FHOD3: variants seen among roughly 807,000 people sequenced by gnomAD.
FHOD3 encodes formin homology 2 domain containing 3, also known as FH1/FH2 domain-containing protein 3.
In FHOD3, 90 loss-of-function variants were observed where a neutral mutation model predicts 173.0. The observed-to-expected ratio is 0.52, with a 90% CI of 0.44 to 0.62. The LOEUF (loss-of-function observed/expected upper bound fraction) is 0.62. Among genes scored for constraint, FHOD3 ranks in the 20% least tolerant of loss-of-function variants. The pLI is 0.00. For synonymous variants in FHOD3, 828 were observed against 823.0 expected (o/e 1.01, Z -0.10); for missense variants, 1,945 against 2,034.7 (o/e 0.96, Z 0.85).
rs58493993 is a variant in FHOD3, at chr18:36,514,014, C to CTTTTTTTTTTTTTTTTTTTTT, written c.511+1483_511+1484insTTTTTTTTTTTTTTTTTTTTT. ...ATTGCTGAATTTTGCTATTTCTATTCTTTTTTTTTTTTGAGATGGAGTCTT... is the reference window on the plus strand; with the variant it reads ...ATTGCTGAATTTTGCTATTTCTATTCTTTTTTTTTTTTTTTTTTTTTTTTTTTTTTTTTGAGATGGAGTCTT... On this transcript the variant is annotated intron_variant, in intron 5 of 28. Coordinates refer to ENST00000590592, the MANE Select transcript of FHOD3 (RefSeq NM_001281740.3). 1.2e-3 allele frequency among the ~76,000 whole-genome samples: 123 copies of CTTTTTTTTTTTTTTTTTTTTT among 104,590 alleles called. 9 individuals are homozygous for CTTTTTTTTTTTTTTTTTTTTT. The highest frequency in any genetic ancestry group is 5.6e-3 in the Middle Eastern group (1 of 180). The allele number at this position is 104,590 out of a possible 152,430, so 68.6% of individuals were successfully genotyped here.
In FHOD3 at chr18:36,377,941, G is replaced by T. The variant is rs527914204; in HGVS notation, c.337+5197G>T. Among the ~76,000 whole-genome samples, 3 of 152,338 alleles carry T rather than the reference G, an allele frequency of 2.0e-5. No homozygotes were observed. In the South Asian group the frequency reaches 6.2e-4, roughly 32 times the overall value. Reference sequence around the variant, plus strand: ...TCTGCTCCTGTCCTGCCTCTACCATGCAGCTTAGATTTGGAGCTGCAGGTG... The same window carrying T: ...TCTGCTCCTGTCCTGCCTCTACCATTCAGCTTAGATTTGGAGCTGCAGGTG... On this transcript the variant is annotated intron_variant, in intron 3 of 28. Coordinates refer to ENST00000590592, the MANE Select transcript of FHOD3 (RefSeq NM_001281740.3).
intron 5 of FHOD3, among the ~76,000 whole-genome samples, chr18:36,523,016 C>T (rs2056347357): frequency 6.6e-6 from 1 of 152,216 alleles, no homozygotes; most frequent in Non-Finnish European, 1.5e-5. Flanking sequence ...AAACCACTCA[C>T]ATGGGAGTTT....
intron 20 of FHOD3, among the ~76,000 whole-genome samples, chr18:36,740,418 TG>T (rs2041846694): frequency 6.6e-6 from 1 of 152,206 alleles, no homozygotes; most frequent in East Asian, 1.9e-4. Flanking sequence ...TCTTGTGTTT[TG>T]TTTTTCATCT....
At chr18:36,580,907 G>A (rs367852080) in intron 6 of FHOD3, among the ~76,000 whole-genome samples, 2 of 152,226 alleles carry the variant, frequency 1.3e-5, no homozygotes, top group Non-Finnish European at 2.9e-5. Context: ...TTGACATCCA[G>A]TTGCCTTTGC....
intron 20 of FHOD3, among the ~76,000 whole-genome samples, chr18:36,735,860 T>C (rs1229693655): frequency 6.6e-6 from 1 of 152,246 alleles, no homozygotes; most frequent in African/African-American, 2.4e-5. Flanking sequence ...TAGTTTCATG[T>C]GCAGGTAGAA....
rs1468096787 is a variant in FHOD3 at position 36,470,932 on chromosome 18, T to C, written c.338-31000T>C. On this transcript the variant is annotated intron_variant, in intron 3 of 28. Transcript: ENST00000590592. The stretch of plus-strand genomic sequence containing the variant: ...ATGGTGCCTTCCGTGGGGTCTTTGC[T>C]CCCAGCTGAACTGGGACATGATGGC... 3.9e-5 allele frequency among the ~76,000 whole-genome samples: 6 copies of C among 152,138 alleles called. No individual in the cohort carries two copies. In the East Asian group the frequency reaches 1.2e-3, roughly 29 times the overall value.
At chr18:36,703,039 C>T (rs2149596554) in intron 17 of FHOD3, among the ~76,000 whole-genome samples, 1 of 152,256 alleles carries the variant, frequency 6.6e-6, no homozygotes, top group Non-Finnish European at 1.5e-5. Flanking sequence ...AGTGAAGGGA[C>T]TGTTTACAGA....
chr18:36,640,832 G>A (rs2035251782), intron 10 of FHOD3, among the ~76,000 whole-genome samples: 1 of 152,054 alleles, frequency 6.6e-6, no homozygotes. Context: ...TGCCAAGCAC[G>A]GTTCAGGAAC....
intron 20 of FHOD3, among the ~76,000 whole-genome samples, chr18:36,740,364 C>T (rs2041844527): frequency 6.6e-6 from 1 of 152,110 alleles, no homozygotes; most frequent in South Asian, 2.1e-4. Context: ...ATCTTTTTTA[C>T]ATGTCTTACT....
intron 1 of FHOD3, among the ~76,000 whole-genome samples, chr18:36,302,669 T>A (rs998291498): frequency 5.3e-5 from 8 of 152,252 alleles, no homozygotes; most frequent in African/African-American, 1.9e-4. Flanking sequence ...ACAAATCCAC[T>A]GGTATTATTG....
At chr18:36,393,170 G>A (rs917828133) in intron 3 of FHOD3, among the ~76,000 whole-genome samples, 2 of 152,232 alleles carry the variant, frequency 1.3e-5, no homozygotes, top group African/African-American at 4.8e-5. Context: ...CGGCTGCAGG[G>A]CAGAAGGCTG....
intron 14 of FHOD3, 28 bp downstream of exon 14, chr18:36,658,216 T>G (rs755243542): frequency 6.8e-7 from 1 of 1,466,584 alleles, no homozygotes; most frequent in South Asian, 1.2e-5. Flanking sequence ...GCTGATAGCT[T>G]CACAGTCCTC....
At chr18:36,344,081 T>C (rs1008419675) in intron 1 of FHOD3, among the ~76,000 whole-genome samples, 6 of 152,160 alleles carry the variant, frequency 3.9e-5, no homozygotes, top group African/African-American at 1.4e-4. Flanking sequence ...AATTATGTGG[T>C]ATAAATTATC....
At chr18:36,734,393 C>A (rs78249546) in intron 20 of FHOD3, among the ~76,000 whole-genome samples, 2,309 of 152,228 alleles carry the variant, frequency 0.015, 49 homozygotes, top group African/African-American at 0.053. Context: ...CCCCCCACAA[C>A]CAAAACTGTC....
chr18:36,347,955 A>G (rs117811473), intron 1 of FHOD3, among the ~76,000 whole-genome samples: 5 of 152,376 alleles, frequency 3.3e-5, no homozygotes, highest in Non-Finnish European at 7.3e-5. Flanking sequence ...CATTCTCACT[A>G]TCACCTTAGG....
chr18:36,424,612 C>T (rs757426354), intron 3 of FHOD3, among the ~76,000 whole-genome samples: 6 of 152,188 alleles, frequency 3.9e-5, no homozygotes, highest in Non-Finnish European at 5.9e-5. Context: ...AGATCATTTA[C>T]TGGAAATAGC....
chr18:36,718,135 G>A lies in FHOD3; in HGVS notation c.2837G>A (p.Ser946Asn). The change falls in exon 19 of 29, where the codon AGT becomes AAT. Residue 946 changes from serine (S) to asparagine (N), a missense_variant. Physicochemically the swap from Ser to Asn is conservative, Grantham distance 46. This residue lies in a region of FHOD3 where 1,099 missense variants were observed against 1,051.2 expected (regional missense o/e 1.05). Coordinates refer to ENST00000590592, the MANE Select transcript of FHOD3 (RefSeq NM_001281740.3). ...AAAGCATTTGCTGAGAAATTCAACA[G>A]TGGGGACCTGGGGAGAGGTTCCATC... is the stretch of plus-strand genomic sequence containing the variant. ...SVKAFAEKFN[S>N]GDLGRGSISP... 1 of 1,605,736 alleles carries A rather than the reference G, an allele frequency of 6.2e-7. No homozygotes were observed. Among genetic ancestry groups the A allele is most frequent in the Non-Finnish European group, 8.5e-7 (1 of 1,175,630 alleles).
At position 36,514,014 on chromosome 18, in the gene FHOD3, C is replaced by T. The variant is rs370566218; in HGVS notation, c.511+1471C>T. 2.7e-4 allele frequency among the ~76,000 whole-genome samples: 28 copies of T among 104,634 alleles called. 1 individual carries two copies. Among genetic ancestry groups the T allele is most frequent in the East Asian group, 5.5e-4 (2 of 3,630 alleles). 68.6% of individuals were successfully genotyped at this position (104,634 alleles called of 152,430 possible). On this transcript the variant is annotated intron_variant, in intron 5 of 28. Transcript: ENST00000590592. ...ATTGCTGAATTTTGCTATTTCTATT[C>T]TTTTTTTTTTTTGAGATGGAGTCTT...
intron 1 of FHOD3, among the ~76,000 whole-genome samples, chr18:36,320,130 A>G (rs1199420178): frequency 2.6e-5 from 4 of 152,202 alleles, no homozygotes; most frequent in Non-Finnish European, 5.9e-5. Flanking sequence ...AAGAACTAAG[A>G]TCAGAGCAGA....
Sources: allele counts gnomAD v4.1 joint callset (sites outside exome capture counted in the v4.1 genomes callset), GRCh38; gene constraint gnomAD v4.1.1; regional missense constraint gnomAD v4.1.1; transcripts MANE v1.5; gene names NCBI Gene and HGNC (gene_info 2026-07-23, HGNC 2026-07-21).